SND1: variants seen among roughly 807,000 people sequenced by gnomAD.
SND1 encodes staphylococcal nuclease and tudor domain containing 1, also known as staphylococcal nuclease domain-containing protein 1.
In SND1, 38 loss-of-function variants were observed where a neutral mutation model predicts 121.7. The ratio of observed to expected loss-of-function variants is 0.31; its 90% CI spans 0.24 to 0.41. SND1 has a LOEUF of 0.41. Among genes scored for constraint, SND1 ranks in the 10% least tolerant of loss-of-function variants. The pLI, the probability that SND1 is intolerant of heterozygous loss-of-function variation, is 1.00. For synonymous variants in SND1, 401 were observed against 447.4 expected (o/e 0.90, Z 1.31); for missense variants, 868 against 1,184.6 (o/e 0.73, Z 3.92).
intron 12 of SND1, among the ~76,000 whole-genome samples, chr7:127,868,586 A>T (rs544074160): frequency 1.3e-5 from 2 of 152,288 alleles, no homozygotes; most frequent in East Asian, 3.9e-4. Context: ...CTGTGGCATC[A>T]TTTAGAGCAT....
In SND1 at chr7:127,844,350, A is replaced by G; in HGVS notation, c.1269A>G (p.Arg423=). The change falls in exon 12 of 24, where the codon AGA becomes AGG. Residue 423 remains arginine, a synonymous_variant. Coordinates refer to ENST00000354725, the MANE Select transcript of SND1 (RefSeq NM_014390.4). ...TCAATGTGACGGTGGACTACATTAG[A>G]CCAGCCAGCCCAGCCACAGAGACAG... ...KKVNVTVDYI[R]PASPATETVP... is the part of the protein sequence containing the mutation. The G allele has an allele frequency of 6.2e-7, 1 of 1,612,938 alleles. No homozygotes were observed. The highest frequency in any genetic ancestry group is 1.3e-5 in the African/African-American group (1 of 74,956).
chr7:127,866,890 C>A (rs1403436166), intron 12 of SND1, among the ~76,000 whole-genome samples: 3 of 152,202 alleles, frequency 2.0e-5, no homozygotes, highest in Non-Finnish European at 4.4e-5. Context: ...TGCTTTCTTA[C>A]CTCCTGCCTT....
chr7:127,934,377 AC>A (rs1364761640), intron 15 of SND1, among the ~76,000 whole-genome samples: 1 of 152,110 alleles, frequency 6.6e-6, no homozygotes, highest in Non-Finnish European at 1.5e-5. Flanking sequence ...TATGCAGTGG[AC>A]CCTCAGAGTC....
intron 16 of SND1, among the ~76,000 whole-genome samples, chr7:128,046,373 T>TG (rs1026866848): frequency 6.8e-6 from 1 of 147,102 alleles, no homozygotes; most frequent in Non-Finnish European, 1.5e-5. Flanking sequence ...GTGTTTTTTT[T>TG]TTTTTTTTTT....
intron 13 of SND1, chr7:127,904,383 A>G (rs1800292329): frequency 1.2e-5 from 2 of 160,986 alleles, no homozygotes; most frequent in African/African-American, 4.8e-5. Flanking sequence ...GTGATTAAAC[A>G]CGGAAAGAAA....
At chr7:127,709,058 T>C (rs1796254457) in intron 9 of SND1, among the ~76,000 whole-genome samples, 1 of 152,190 alleles carries the variant, frequency 6.6e-6, no homozygotes, top group Non-Finnish European at 1.5e-5. Context: ...TTGTAGGTGA[T>C]GTCCAGGCAG....
chr7:128,059,099 G>A (rs1793190233), intron 16 of SND1, among the ~76,000 whole-genome samples: 1 of 152,102 alleles, frequency 6.6e-6, no homozygotes, highest in African/African-American at 2.4e-5. Context: ...TGCCACTTAT[G>A]CACTATTTCT....
intron 10 of SND1, among the ~76,000 whole-genome samples, chr7:127,722,375 C>T (rs1796511815): frequency 6.6e-6 from 1 of 150,546 alleles, no homozygotes; most frequent in Non-Finnish European, 1.5e-5. Context: ...TGGCTATTCA[C>T]AGGTGTGATC....
At chr7:128,012,999 T>G (rs952397963) in intron 16 of SND1, among the ~76,000 whole-genome samples, 7 of 152,112 alleles carry the variant, frequency 4.6e-5, no homozygotes, top group African/African-American at 9.7e-5. Context: ...TGCCTGCCAG[T>G]GCACAAGTCA....
intron 15 of SND1, among the ~76,000 whole-genome samples, chr7:127,955,397 G>A (rs145193237): frequency 3.3e-5 from 5 of 152,186 alleles, no homozygotes; most frequent in African/African-American, 9.6e-5. Context: ...ATGGAGAACC[G>A]CACCTTATCT....
intron 16 of SND1, chr7:127,998,677 G>C (rs969429570): frequency 6.6e-6 from 1 of 152,270 alleles, no homozygotes; most frequent in Non-Finnish European, 1.5e-5. Context: ...CTAGAGAGAA[G>C]AGAGGGCCCT....
At position 127,921,508 on chromosome 7, in the gene SND1, A is replaced by C. The variant is rs1002535261; in HGVS notation, c.1528-7680A>C. Among the ~76,000 whole-genome samples, 5 of 152,178 alleles carry C rather than the reference A, an allele frequency of 3.3e-5. No homozygotes were observed. The East Asian group carries it at 9.6e-4, about 29-fold the overall frequency. ...ATTAGTTAGGGGAAAAGTTTTCTTG[A>C]GTTAAAAATTAAAATATTGTATATT... On this transcript the variant is annotated intron_variant, in intron 14 of 23. Transcript: ENST00000354725.
chr7:127,802,614 T>A (rs1196829676), intron 10 of SND1, among the ~76,000 whole-genome samples: 1 of 152,190 alleles, frequency 6.6e-6, no homozygotes, highest in Non-Finnish European at 1.5e-5. Flanking sequence ...TGCATATTCA[T>A]GACCTTTTAA....
intron 14 of SND1, among the ~76,000 whole-genome samples, chr7:127,922,186 T>TTTTTG: frequency 5.4e-5 from 5 of 91,990 alleles, no homozygotes; most frequent in Admixed American, 1.1e-4. Flanking sequence ...TTTTTTTTTT[T>TTTTTG]TTTTTTTTTT....
At chr7:127,805,672 A>C (rs1215083000) in intron 10 of SND1, among the ~76,000 whole-genome samples, 1 of 152,228 alleles carries the variant, frequency 6.6e-6, no homozygotes, top group Non-Finnish European at 1.5e-5. Flanking sequence ...GATGATTTTT[A>C]AATGGGGCAT....
intron 11 of SND1, among the ~76,000 whole-genome samples, chr7:127,827,584 A>G (rs1798665381): frequency 6.6e-6 from 1 of 152,188 alleles, no homozygotes; most frequent in Middle Eastern, 3.2e-3. Flanking sequence ...TTGTTTTTCT[A>G]GACTTTTTAG....
intron 16 of SND1, among the ~76,000 whole-genome samples, chr7:128,032,263 C>G (rs1272935646): frequency 1.3e-5 from 2 of 151,448 alleles, no homozygotes; most frequent in African/African-American, 4.8e-5. Flanking sequence ...CCTCCGGCCG[C>G]CCGTCTTCCT....
chr7:127,839,865 A>G (rs1798931628), intron 11 of SND1, among the ~76,000 whole-genome samples: 2 of 152,188 alleles, frequency 1.3e-5, no homozygotes, highest in Non-Finnish European at 2.9e-5. Context: ...CAGTTTTAAA[A>G]TATTGCTCCT....
At chr7:127,674,034 C>G (rs962853781) in intron 1 of SND1, among the ~76,000 whole-genome samples, 1 of 151,750 alleles carries the variant, frequency 6.6e-6, no homozygotes, top group African/African-American at 2.4e-5. Flanking sequence ...TCTCCTCCCT[C>G]CCTCCCTGCC....
Sources: gnomAD v4.1 joint callset for allele counts (sites outside exome capture counted in the v4.1 genomes callset) on GRCh38, gnomAD v4.1.1 for gene constraint, MANE v1.5 for transcripts, NCBI Gene and HGNC (gene_info 2026-07-23, HGNC 2026-07-21) for gene names.